Variants in C16orf96 observed in about 807,000 individuals in gnomAD.
C16orf96 encodes uncharacterized protein C16orf96.
Under a neutral mutation model 103.6 loss-of-function variants are expected in C16orf96, and 108 were observed. That is an observed-to-expected ratio of 1.04 (90% CI 0.89 to 1.22). The LOEUF is 1.22. Ranked by LOEUF, C16orf96 falls within the 50% of genes most tolerant of loss-of-function variation. The probability of loss-of-function intolerance (pLI) is 0.00; values close to 1 mark genes in which losing one functional copy is unlikely to be tolerated. For missense variants in C16orf96, 1,586 were observed against 1,464.2 expected, an observed-to-expected ratio of 1.08 and a Z score of -1.36; for synonymous variants, 566 against 593.5, an observed-to-expected ratio of 0.95 and a Z score of 0.67.
intron 14 of C16orf96, among the ~76,000 whole-genome samples, chr16:4,598,546 T>A (rs1021549067): frequency 1.3e-5 from 2 of 152,064 alleles, no homozygotes; most frequent in South Asian, 4.1e-4. Flanking sequence ...CAACGCTGTG[T>A]GCGTCCTAAA....
In C16orf96 at chr16:4,590,936, G is replaced by A. The variant is rs546147791; in HGVS notation, c.2593-730G>A. On this transcript the variant is annotated intron_variant, in intron 9 of 15. Coordinates refer to ENST00000444310, the MANE Select transcript of C16orf96 (RefSeq NM_001145011.2). The stretch of plus-strand genomic sequence containing the variant: ...AATCCCAGCTACTTGGGAGGCTGAG[G>A]CAGGAGAATTGCTTGAACCTGGGAG... Among the ~76,000 whole-genome samples the A allele has an allele frequency of 2.0e-5, 3 of 152,202 alleles. No individual in the cohort carries two copies. In the South Asian group the frequency reaches 6.2e-4, roughly 32 times the overall value.
chr16:4,591,531 C>T (rs1596537324), intron 9 of C16orf96, 135 bp from the exon 10 acceptor site: 16 of 691,726 alleles, frequency 2.3e-5, no homozygotes, highest in Non-Finnish European at 3.9e-5. Flanking sequence ...TTTCCCTTTC[C>T]TGGACTCCCT....
upstream of C16orf96, among the ~76,000 whole-genome samples, chr16:4,555,416 C>G (rs947614751): frequency 7.9e-5 from 12 of 151,802 alleles, no homozygotes; most frequent in Non-Finnish European, 1.3e-4. Context: ...CTCTGTCGCC[C>G]AGGCTGGAGT....
Position 4,568,231 on chromosome 16 carries a change from A to G in C16orf96, c.421-3330A>G, listed in dbSNP as rs146397747. 1.2e-4 allele frequency among the ~76,000 whole-genome samples: 18 copies of G among 152,082 alleles called. 1 individual carries two copies. Among genetic ancestry groups the G allele is most frequent in the African/African-American group, 4.1e-4 (17 of 41,488 alleles). On this transcript the variant is annotated intron_variant, in intron 1 of 15. Coordinates refer to ENST00000444310, the MANE Select transcript of C16orf96 (RefSeq NM_001145011.2). ...TTCTGTTGCTTTCTAATTTAATTCC[A>G]TTGTGGTCAGAGTATGTATTTTGCA...
At chr16:4,544,929 A>C in the C16orf96 span, among the ~76,000 whole-genome samples, 13 of 152,214 alleles carry the variant, frequency 8.5e-5, no homozygotes, top group Non-Finnish European at 1.8e-4. Context: ...ACGTAGAGCC[A>C]CTATGTGACC....
In C16orf96 at chr16:4,574,800, C is replaced by G. The variant is rs1226969725; in HGVS notation, c.606+11C>G. The G allele has an allele frequency of 2.6e-6, 4 of 1,550,866 alleles. No homozygotes were observed. In the Admixed American group the frequency reaches 7.8e-5, roughly 30 times the overall value. ...CTGCAGCGGGAAGTGGTGAGGGCCA[C>G]CATCCCTGTCTTCCCCCACTCCCCC... On this transcript the variant is annotated intron_variant, in intron 3 of 15. Coordinates refer to ENST00000444310, the MANE Select transcript of C16orf96 (RefSeq NM_001145011.2).
rs145216153 is a variant in C16orf96 at position 4,573,856 on chromosome 16, C to T, written c.526-853C>T. Among the ~76,000 whole-genome samples the T allele has an allele frequency of 7.9e-3, 1,195 of 151,798 alleles. 18 individuals are homozygous for T. Among genetic ancestry groups the T allele is most frequent in the African/African-American group, 0.028 (1,147 of 41,398 alleles). ...GTTTTGTTTTGTATTCTTTTTGAGA[C>T]GGAGTCTCTCTCTGTCACCCAGGCT... On this transcript the variant is annotated intron_variant, in intron 2 of 15. Coordinates refer to ENST00000444310, the MANE Select transcript of C16orf96 (RefSeq NM_001145011.2).
chr16:4,578,814 C>G (rs935028706), intron 5 of C16orf96, 126 bp from the exon 6 acceptor site: 1 of 516,268 alleles, frequency 1.9e-6, no homozygotes, highest in South Asian at 4.0e-5. Context: ...CCACAAGCTG[C>G]GAGGCCCAGT....
At chr16:4,592,557 A>G (rs912361395) in intron 11 of C16orf96, among the ~76,000 whole-genome samples, 190 bp downstream of exon 11, 1 of 152,160 alleles carries the variant, frequency 6.6e-6, no homozygotes, top group Admixed American at 6.5e-5. Context: ...GTATCTACAC[A>G]TCCACATCCA....
In C16orf96 at chr16:4,600,550, C is replaced by A. The variant is rs12932413; in HGVS notation, c.*233C>A. On this transcript the variant is annotated 3_prime_UTR_variant, in exon 16 of 16. Transcript: ENST00000444310. ...GAGGCTGAGACCCATATGCCCCCCC[C>A]ACCCCCACCAAGTCCCGTCCCCGGC... 7.4e-5 allele frequency: 35 copies of A among 470,080 alleles called. No individual in the cohort carries two copies. Among genetic ancestry groups the A allele is most frequent in the South Asian group, 8.4e-5 (4 of 47,484 alleles). The allele number at this position is 470,080 out of a possible 1,614,324, so 29.1% of individuals were successfully genotyped here. A position where few individuals can be genotyped will look rare whatever the true frequency, so the allele number is the denominator to read the frequency against.
At chr16:4,539,771 G>A in the C16orf96 span, among the ~76,000 whole-genome samples, 5 of 152,172 alleles carry the variant, frequency 3.3e-5, no homozygotes, top group South Asian at 2.1e-4. Context: ...TTGATCCTAG[G>A]TATAATATCA....
rs903961415 is a variant in C16orf96 at position 4,571,636 on chromosome 16, G to A, written c.496G>A (p.Val166Met). ...QVTITALRKEVDMLKNMLDKV... is the reference protein window; with the variant it reads ...QVTITALRKEMDMLKNMLDKV... Reference sequence around the variant, plus strand: ...CACCATCACAGCCCTCAGAAAAGAAGTGGACATGCTGAAGAACATGCTTGA... The same window carrying A: ...CACCATCACAGCCCTCAGAAAAGAAATGGACATGCTGAAGAACATGCTTGA... The change falls in exon 2 of 16, where the codon GTG becomes ATG. Residue 166 changes from valine (V) to methionine (M), a missense_variant. Transcript: ENST00000444310. 6.4e-7 allele frequency: 1 copy of A among 1,552,140 alleles called. No individual in the cohort carries two copies.
Position 4,575,372 on chromosome 16 carries a change from G to GTT in C16orf96, c.894_895dup (p.Ser299PhefsTer61). 3 of 1,551,084 alleles carry GTT rather than the reference G, an allele frequency of 1.9e-6. No individual in the cohort carries two copies. Among genetic ancestry groups the GTT allele is most frequent in the Admixed American group, 2.0e-5 (1 of 51,002 alleles). On this transcript the variant is annotated frameshift_variant, in exon 5 of 16. Transcript: ENST00000444310. LOFTEE classifies it high-confidence loss of function. ...CCCGGAGGGCTCATCTGCCCAAGCA[G>GTT]TTTCACTCAGCAGAGCCCAGGAGCC...
chr16:4,566,102 T>G (rs2059383107), intron 1 of C16orf96, among the ~76,000 whole-genome samples: 1 of 152,240 alleles, frequency 6.6e-6, no homozygotes, highest in Non-Finnish European at 1.5e-5. Context: ...CACCTTGGCC[T>G]CCGAAAGCAG....
At chr16:4,598,399 C>A (rs1022928672) in intron 14 of C16orf96, among the ~76,000 whole-genome samples, 1 of 151,516 alleles carries the variant, frequency 6.6e-6, no homozygotes, top group African/African-American at 2.4e-5. Context: ...ATAGAAAAAT[C>A]TATAGACAGA....
the C16orf96 span, among the ~76,000 whole-genome samples, chr16:4,550,066 G>A: frequency 1.3e-5 from 2 of 150,686 alleles, no homozygotes. Flanking sequence ...TATTGAGCTG[G>A]TTAGAGCACA....
At chr16:4,562,989 A>G in intron 1 of C16orf96, 1 of 1,186,590 alleles carries the variant, frequency 8.4e-7, no homozygotes, top group African/African-American at 1.5e-5. Flanking sequence ...AACGTACCTC[A>G]TTTTCCCAAT....
chr16:4,594,945 C>T, intron 14 of C16orf96, 142 bp downstream of exon 14: 1 of 839,360 alleles, frequency 1.2e-6, no homozygotes. Flanking sequence ...AAAATTGGGT[C>T]ACAGCAGGCC....
At chr16:4,591,268 C>T (rs1055095389) in intron 9 of C16orf96, among the ~76,000 whole-genome samples, 10 of 152,288 alleles carry the variant, frequency 6.6e-5, no homozygotes, top group South Asian at 4.1e-4. Flanking sequence ...ATATACTAAA[C>T]GCCATAAACC....
Sources: allele counts gnomAD v4.1 joint callset (sites outside exome capture counted in the v4.1 genomes callset), GRCh38; gene constraint gnomAD v4.1.1; transcripts MANE v1.5; gene names NCBI Gene and HGNC (gene_info 2026-07-23, HGNC 2026-07-21).